The following XKR9 variants were observed in gnomAD, a reference collection of about 807,000 sequenced individuals.
The protein encoded by XKR9 is XK-related protein 9.
XKR9 carries 32 observed loss-of-function variants against 32.0 expected under a neutral mutation model. The observed-to-expected ratio is 1.00, with a 90% CI of 0.76 to 1.34. XKR9 has a LOEUF of 1.34. Among genes scored for constraint, XKR9 ranks in the 40% most tolerant of loss-of-function variants. The pLI is 0.00. For synonymous variants in XKR9, 168 were observed against 143.4 expected, an observed-to-expected ratio of 1.17 and a Z score of -1.22; for missense variants, 546 against 429.7, an observed-to-expected ratio of 1.27 and a Z score of -2.39.
At chr8:70,979,501 C>G in the XKR9 span, among the ~76,000 whole-genome samples, 2 of 152,206 alleles carry the variant, frequency 1.3e-5, no homozygotes, top group Non-Finnish European at 2.9e-5. Context: ...GGTCCCTCAG[C>G]TGCAGGTATC....
At chr8:70,741,042 T>C (rs1806964565) in intron 2 of XKR9, among the ~76,000 whole-genome samples, 1 of 152,236 alleles carries the variant, frequency 6.6e-6, no homozygotes, top group African/African-American at 2.4e-5. Context: ...TACTGCTGTC[T>C]TTTTGTTTGT....
intron 2 of XKR9, among the ~76,000 whole-genome samples, chr8:70,773,257 G>A (rs1191177791): frequency 6.6e-6 from 1 of 152,162 alleles, no homozygotes; most frequent in Non-Finnish European, 1.5e-5. Flanking sequence ...TTATTATTTG[G>A]CATGTTTACA....
intron 2 of XKR9, among the ~76,000 whole-genome samples, chr8:70,772,468 G>T (rs534830116): frequency 2.4e-4 from 36 of 152,298 alleles, no homozygotes; most frequent in African/African-American, 7.9e-4. Flanking sequence ...GCAGTTGGGG[G>T]AGAAGTAGAT....
intron 2 of XKR9, among the ~76,000 whole-genome samples, chr8:70,745,399 A>G (rs1454058750): frequency 6.6e-6 from 1 of 152,248 alleles, no homozygotes. Context: ...CAATACTTTC[A>G]TAAAAGAACA....
the XKR9 span, among the ~76,000 whole-genome samples, chr8:70,989,281 A>G: frequency 7.2e-3 from 1,090 of 152,376 alleles, 7 homozygotes; most frequent in Non-Finnish European, 0.013. Flanking sequence ...TAAATTATGC[A>G]TAAACATTAT....
the XKR9 span, among the ~76,000 whole-genome samples, chr8:70,864,316 G>T: frequency 2.0e-5 from 3 of 152,174 alleles, no homozygotes; most frequent in Non-Finnish European, 4.4e-5. Flanking sequence ...TGTCTTGAGT[G>T]TTTTAAGAAT....
chr8:70,776,947 C>CTATATATATATATATATA (rs1554556847), intron 2 of XKR9, among the ~76,000 whole-genome samples: 5 of 54,210 alleles, frequency 9.2e-5, no homozygotes, highest in South Asian at 6.0e-4. Flanking sequence ...CTCTCTCTCT[C>CTATATATATATATATATA]TATATATATA....
the XKR9 span, among the ~76,000 whole-genome samples, chr8:70,869,180 C>T: frequency 6.6e-6 from 1 of 152,202 alleles, no homozygotes; most frequent in South Asian, 2.1e-4. Context: ...TACCCAGTTC[C>T]AAAGTTGCTT....
chr8:70,962,096 T>A, the XKR9 span, among the ~76,000 whole-genome samples: 1 of 152,190 alleles, frequency 6.6e-6, no homozygotes, highest in Non-Finnish European at 1.5e-5. Flanking sequence ...AATCTTTTGA[T>A]GAAATCACCG....
intron 4 of XKR9, among the ~76,000 whole-genome samples, chr8:70,710,129 TA>T (rs1458736066): frequency 6.6e-6 from 1 of 152,038 alleles, no homozygotes; most frequent in Non-Finnish European, 1.5e-5. Context: ...AGCTCAGAAA[TA>T]AAGCCTCATA....
chr8:71,004,420 TG>T, the XKR9 span, among the ~76,000 whole-genome samples: 1 of 152,084 alleles, frequency 6.6e-6, no homozygotes, highest in South Asian at 2.1e-4. Flanking sequence ...AGGGTTGGCT[TG>T]GGGGATATAA....
At chr8:70,726,375 G>A (rs1485696790) in intron 4 of XKR9, among the ~76,000 whole-genome samples, 1 of 152,200 alleles carries the variant, frequency 6.6e-6, no homozygotes, top group Admixed American at 6.5e-5. Context: ...ACAATTAACA[G>A]CAGAAACATT....
At chr8:70,805,689 G>C in the XKR9 span, among the ~76,000 whole-genome samples, 1 of 152,184 alleles carries the variant, frequency 6.6e-6, no homozygotes, top group Non-Finnish European at 1.5e-5. Flanking sequence ...TCCTTACTGG[G>C]TGAGGCTTCC....
chr8:70,798,066 C>A, the XKR9 span, among the ~76,000 whole-genome samples: 60 of 152,278 alleles, frequency 3.9e-4, no homozygotes, highest in African/African-American at 1.4e-3. Context: ...TGGATATATA[C>A]TCAGTAATGG....
At chr8:70,826,055 G>T in the XKR9 span, among the ~76,000 whole-genome samples, 1 of 152,080 alleles carries the variant, frequency 6.6e-6, no homozygotes, top group Non-Finnish European at 1.5e-5. Flanking sequence ...AGAGACCTCA[G>T]AATAGTAGAT....
the XKR9 span, among the ~76,000 whole-genome samples, chr8:70,930,066 A>G: frequency 6.6e-6 from 1 of 152,280 alleles, no homozygotes; most frequent in South Asian, 2.1e-4. Flanking sequence ...CCCAAGTAAA[A>G]TATGAACTTG....
intron 2 of XKR9, among the ~76,000 whole-genome samples, chr8:70,743,177 T>G (rs1346858228): frequency 1.3e-5 from 2 of 152,166 alleles, no homozygotes; most frequent in Non-Finnish European, 2.9e-5. Flanking sequence ...ACTGTTAAGT[T>G]CATATAATGA....
chr8:70,979,916 C>G, the XKR9 span, among the ~76,000 whole-genome samples: 1 of 152,244 alleles, frequency 6.6e-6, no homozygotes, highest in Admixed American at 6.5e-5. Context: ...GGTCTCCACC[C>G]AGTTCGAGCT....
In XKR9 at chr8:70,787,503, G is replaced by A. The variant is rs114263987; in HGVS notation, n.353-1836G>A. Among the ~76,000 whole-genome samples the A allele has an allele frequency of 6.5e-3, 987 of 152,158 alleles. 10 individuals are homozygous for A. The highest frequency in any genetic ancestry group is 0.022 in the African/African-American group (916 of 41,540). ...AACCCAGGACCTGAGGAGAGTGAAC[G>A]GGGTTGCAGTGTTTAGGTGCTTTAG... On this transcript the variant is annotated intron_variant and non_coding_transcript_variant, in intron 2 of 3. Transcript: ENST00000520273.
Sources: gnomAD v4.1 joint callset for allele counts (sites outside exome capture counted in the v4.1 genomes callset) on GRCh38, gnomAD v4.1.1 for gene constraint, MANE v1.5 for transcripts, NCBI Gene and HGNC (gene_info 2026-07-23, HGNC 2026-07-21) for gene names.